PLEKHM3: variants seen among roughly 807,000 people sequenced by gnomAD.
PLEKHM3 encodes the protein pleckstrin homology domain-containing family M member 3.
In PLEKHM3, 45 loss-of-function variants were observed where a neutral mutation model predicts 81.8. That is an observed-to-expected ratio of 0.55 (90% CI 0.43 to 0.71). The LOEUF is 0.71. Ranked by LOEUF, PLEKHM3 falls within the 30% of genes least tolerant of loss-of-function variation. PLEKHM3 has a pLI of 0.00. For missense variants in PLEKHM3, 788 were observed against 924.3 expected (o/e 0.85, Z 1.91); for synonymous variants, 352 against 356.4 (o/e 0.99, Z 0.14).
At chr2:207,849,407 G>GT in intron 7 of PLEKHM3, among the ~76,000 whole-genome samples, 1 of 152,278 alleles carries the variant, frequency 6.6e-6, no homozygotes, top group East Asian at 1.9e-4. Context: ...AGATTTTGGT[G>GT]TTAATAAGTT....
At chr2:208,000,988 G>GAAAAA in intron 2 of PLEKHM3, 42 bp downstream of exon 2, 1 of 1,141,238 alleles carries the variant, frequency 8.8e-7, no homozygotes, top group Non-Finnish European at 1.2e-6. Flanking sequence ...GCCCCAAAAA[G>GAAAAA]AAAAAAAAAA....
chr2:208,013,015 A>C (rs1692752406), intron 1 of PLEKHM3, among the ~76,000 whole-genome samples: 1 of 152,242 alleles, frequency 6.6e-6, no homozygotes, highest in Non-Finnish European at 1.5e-5. Context: ...ACACAAAACC[A>C]AATATAAAAA....
chr2:207,972,177 T>C (rs140765461), intron 3 of PLEKHM3, among the ~76,000 whole-genome samples: 48 of 152,244 alleles, frequency 3.2e-4, no homozygotes, highest in African/African-American at 1.1e-3. Flanking sequence ...ACACAATAAA[T>C]GACAGAATGA....
intron 6 of PLEKHM3, among the ~76,000 whole-genome samples, chr2:207,861,482 TG>T (rs2092466631): frequency 6.6e-6 from 1 of 152,214 alleles, no homozygotes; most frequent in Non-Finnish European, 1.5e-5. Flanking sequence ...AAACTTCTTT[TG>T]TATTCCTCTT....
At chr2:207,994,172 G>C (rs1360121992) in intron 2 of PLEKHM3, among the ~76,000 whole-genome samples, 1 of 152,214 alleles carries the variant, frequency 6.6e-6, no homozygotes, top group Non-Finnish European at 1.5e-5. Flanking sequence ...TCGGGTCCTA[G>C]TTGAGGATTC....
chr2:207,947,953 G>A (rs574634819), intron 3 of PLEKHM3, among the ~76,000 whole-genome samples: 4 of 152,280 alleles, frequency 2.6e-5, no homozygotes, highest in African/African-American at 9.6e-5. Flanking sequence ...CCTCTAGAAA[G>A]AGAATTAGAT....
At chr2:207,957,814 C>T (rs1432134716) in intron 3 of PLEKHM3, among the ~76,000 whole-genome samples, 3 of 152,192 alleles carry the variant, frequency 2.0e-5, no homozygotes, top group African/African-American at 7.2e-5. Context: ...AAGAAGACAT[C>T]ATTGTAGGCC....
chr2:207,962,848 G>A (rs1690785318), intron 3 of PLEKHM3, among the ~76,000 whole-genome samples: 1 of 149,544 alleles, frequency 6.7e-6, no homozygotes, highest in South Asian at 2.1e-4. Context: ...TTATGGTTAA[G>A]TAAGTTAGGA....
rs1429689551 is a variant in PLEKHM3, at chr2:207,930,983, G to C, written c.1829C>G (p.Ser610Trp). Residue 610 changes from serine to tryptophan, a missense_variant, in exon 5 of 8, where the codon TCG (serine) becomes TGG (tryptophan). Ser to Trp is a radical substitution (Grantham distance 177). Transcript: ENST00000427836. ...AVLRLRQRLK[S>W]LRAYLFSCRA... Reference sequence around the variant, plus strand: ...GCAGCTGAACAAATAGGCTCGGAGCGACTTCAGCCGCTGCCGCAGCCGCAG... The same window carrying C: ...GCAGCTGAACAAATAGGCTCGGAGCCACTTCAGCCGCTGCCGCAGCCGCAG... 2 of 1,613,622 alleles carry C rather than the reference G, an allele frequency of 1.2e-6. No homozygotes were observed. Among genetic ancestry groups the C allele is most frequent in the African/African-American group, 2.7e-5 (2 of 74,930 alleles).
chr2:207,950,538 G>C (rs886821594), intron 3 of PLEKHM3, among the ~76,000 whole-genome samples: 1 of 152,076 alleles, frequency 6.6e-6, no homozygotes, highest in African/African-American at 2.4e-5. Flanking sequence ...GTAGGGACCA[G>C]AAATCTGCAT....
At chr2:207,989,286 T>C (rs934598283) in intron 2 of PLEKHM3, among the ~76,000 whole-genome samples, 1 of 152,202 alleles carries the variant, frequency 6.6e-6, no homozygotes, top group Non-Finnish European at 1.5e-5. Context: ...ATATGCAGCA[T>C]AAAGTACTCA....
chr2:208,001,465 C>T lies in PLEKHM3; in HGVS notation c.175G>A (p.Ala59Thr). ...CCCAGGGAGGTGACATTTCTCATAG[C>T]ACCATTGTCTGTTATGTTACTGAGT... ...EVLSNITDNGAMRNVTSLGKG... is the reference protein window; with the variant it reads ...EVLSNITDNGTMRNVTSLGKG... Residue 59 changes from alanine (A) to threonine (T), a missense_variant, in exon 2 of 8, where the codon GCT becomes ACT. Physicochemically the swap from Ala to Thr is moderately conservative, Grantham distance 58. Coordinates refer to ENST00000427836, the MANE Select transcript of PLEKHM3 (RefSeq NM_001080475.3). The T allele has an allele frequency of 6.2e-7, 1 of 1,614,194 alleles. No individual in the cohort carries two copies. The highest frequency in any genetic ancestry group is 8.5e-7 in the Non-Finnish European group (1 of 1,180,030).
In PLEKHM3 at chr2:208,013,161, C is replaced by A. The variant is rs578106514; in HGVS notation, c.-318-11204G>T. ...ATAGGTATACAGAGATTACTTCAGT[C>A]GAAAGAAATCAAAAACAAAGGAAAC... On this transcript the variant is annotated intron_variant, in intron 1 of 7. Coordinates refer to ENST00000427836, the MANE Select transcript of PLEKHM3 (RefSeq NM_001080475.3). Among the ~76,000 whole-genome samples, 5 of 152,236 alleles carry A rather than the reference C, an allele frequency of 3.3e-5. No homozygotes were observed. The East Asian group carries it at 9.7e-4, about 29-fold the overall frequency.
At chr2:207,906,034 G>T (rs1688592300) in intron 6 of PLEKHM3, among the ~76,000 whole-genome samples, 1 of 152,194 alleles carries the variant, frequency 6.6e-6, no homozygotes, top group African/African-American at 2.4e-5. Flanking sequence ...ACCCTAAAAT[G>T]AATATGGAAT....
chr2:207,933,905 A>G (rs1470472196), intron 4 of PLEKHM3, among the ~76,000 whole-genome samples: 1 of 152,212 alleles, frequency 6.6e-6, no homozygotes, highest in Non-Finnish European at 1.5e-5. Context: ...AGCAAGGCTG[A>G]GCACATGCAC....
At chr2:207,845,375 T>A (rs983126702) in intron 7 of PLEKHM3, among the ~76,000 whole-genome samples, 1 of 152,240 alleles carries the variant, frequency 6.6e-6, no homozygotes, top group African/African-American at 2.4e-5. Context: ...CAACACATTT[T>A]GTTTGGAAAG....
At chr2:207,885,256 T>C (rs1687852665) in intron 6 of PLEKHM3, among the ~76,000 whole-genome samples, 1 of 152,228 alleles carries the variant, frequency 6.6e-6, no homozygotes, top group Non-Finnish European at 1.5e-5. Context: ...TATGTTGGCC[T>C]TGAATTTAAC....
chr2:207,921,101 T>G (rs909756387), intron 5 of PLEKHM3, among the ~76,000 whole-genome samples: 9 of 152,030 alleles, frequency 5.9e-5, no homozygotes, highest in Admixed American at 5.9e-4. Context: ...CAGGCTGGAG[T>G]GCAGTGGCAC....
In PLEKHM3 at chr2:207,999,514, G is replaced by A. The variant is rs1183111109; in HGVS notation, c.610+1516C>T. 7.2e-5 allele frequency among the ~76,000 whole-genome samples: 11 copies of A among 152,120 alleles called. No individual in the cohort carries two copies. In the South Asian group the frequency reaches 1.0e-3, roughly 14 times the overall value. On this transcript the variant is annotated intron_variant, in intron 2 of 7. Coordinates refer to ENST00000427836, the MANE Select transcript of PLEKHM3 (RefSeq NM_001080475.3). ...CCAGCTACTTGAGAGGCTGATGTGGGAGGATCCCATGAGCCAAGAGTTTGA... is the reference window on the plus strand; with the variant it reads ...CCAGCTACTTGAGAGGCTGATGTGGAAGGATCCCATGAGCCAAGAGTTTGA...
Sources: gnomAD v4.1 joint callset for allele counts (sites outside exome capture counted in the v4.1 genomes callset) on GRCh38, gnomAD v4.1.1 for gene constraint, MANE v1.5 for transcripts, NCBI Gene and HGNC (gene_info 2026-07-23, HGNC 2026-07-21) for gene names.